The following FGF13 variants were observed in gnomAD, a reference collection of about 807,000 sequenced individuals.
FGF13 encodes fibroblast growth factor 13, also known as fibroblast growth factor homologous factor 2.
In FGF13, 2 loss-of-function variants were observed where a neutral mutation model predicts 19.5. The ratio of observed to expected loss-of-function variants is 0.10; its 90% CI spans 0.04 to 0.32. The LOEUF (loss-of-function observed/expected upper bound fraction) is 0.32, where lower values mean the gene tolerates loss of function less well. Among genes scored for constraint, FGF13 ranks in the 10% least tolerant of loss-of-function variants. The pLI is 1.00. For missense variants in FGF13, 113 were observed against 192.7 expected, an observed-to-expected ratio of 0.59 and a Z score of 2.45; for synonymous variants, 72 against 76.9, an observed-to-expected ratio of 0.94 and a Z score of 0.33.
chrX:139,008,933 G>T lies in FGF13; in HGVS notation c.-112-144283C>A. Among the ~76,000 whole-genome samples, 2 of 111,335 alleles carry T rather than the reference G, an allele frequency of 1.8e-5. 1 individual carries two copies. Among genetic ancestry groups the T allele is most frequent in the Middle Eastern group, 9.2e-3 (2 of 217 alleles). Reference sequence around the variant, plus strand: ...AGGCACCAGAGAAAGGTGAAGTCCAGCTTAAAGGAATCAAAAACATGATCC... The same window carrying T: ...AGGCACCAGAGAAAGGTGAAGTCCATCTTAAAGGAATCAAAAACATGATCC... On this transcript the variant is annotated intron_variant, in intron 1 of 2. Coordinates refer to the FGF13 transcript ENST00000421460.
intron 1 of FGF13, among the ~76,000 whole-genome samples, chrX:138,727,081 T>G (rs1390919899): frequency 1.8e-5 from 2 of 111,489 alleles, no homozygotes; most frequent in African/African-American, 6.5e-5. Context: ...TGTATCTCAT[T>G]TTTTTCTGAT....
chrX:138,827,266 AAG>A (rs2091040518), intron 3 of FGF13, among the ~76,000 whole-genome samples: 1 of 112,056 alleles, frequency 8.9e-6, no homozygotes, highest in East Asian at 2.8e-4. Flanking sequence ...CTGAAGTAGA[AAG>A]AGAGTGAAAG....
intron 1 of FGF13, among the ~76,000 whole-genome samples, chrX:139,070,569 G>T (rs1224902410): frequency 8.9e-6 from 1 of 112,102 alleles, no homozygotes; most frequent in East Asian, 2.8e-4. Context: ...AGACAGTGTG[G>T]AGATTCCTCA....
chrX:138,837,301 T>A (rs1015114674), intron 3 of FGF13, among the ~76,000 whole-genome samples: 5 of 110,954 alleles, frequency 4.5e-5, no homozygotes, highest in Non-Finnish European at 9.5e-5. Flanking sequence ...AAGATGGCGG[T>A]CTGCCCCTAC....
chrX:138,670,776 C>T (rs73241062), intron 3 of FGF13, among the ~76,000 whole-genome samples: 8,400 of 111,431 alleles, frequency 0.075, 302 homozygotes, highest in South Asian at 0.11. Context: ...GAATACTCAA[C>T]TTATATTTAC....
intron 1 of FGF13, among the ~76,000 whole-genome samples, chrX:138,970,571 T>C (rs1015093993): frequency 8.9e-6 from 1 of 111,774 alleles, no homozygotes; most frequent in Non-Finnish European, 1.9e-5. Flanking sequence ...TCAGGATGCT[T>C]CTAGTCCAAT....
rs564347540 is a variant in FGF13 at position 139,156,587 on chromosome X, G to A, written c.-113+46829C>T. Among the ~76,000 whole-genome samples, 19 of 112,431 alleles carry A rather than the reference G, an allele frequency of 1.7e-4. No individual in the cohort carries two copies. In the South Asian group the frequency reaches 4.0e-3, roughly 24 times the overall value. On this transcript the variant is annotated intron_variant, in intron 1 of 2. Transcript: ENST00000421460. Reference sequence around the variant, plus strand: ...CCAACAGCCAGTTAGAAACCGAGGCGCTCAACCTTAAAGCCCACAGGCTTA... The same window carrying A: ...CCAACAGCCAGTTAGAAACCGAGGCACTCAACCTTAAAGCCCACAGGCTTA...
intron 1 of FGF13, among the ~76,000 whole-genome samples, chrX:138,966,231 C>CT (rs1274067237): frequency 6.3e-5 from 7 of 111,783 alleles, no homozygotes. Context: ...GAGAAGAGGG[C>CT]TACTGTCCTT....
chrX:138,682,869 T>C (rs765429084), intron 3 of FGF13, among the ~76,000 whole-genome samples: 7 of 112,076 alleles, frequency 6.2e-5, no homozygotes, highest in Non-Finnish European at 1.1e-4. Flanking sequence ...CTAGGACTTA[T>C]ATTACTTTTG....
chrX:139,013,000 A>G (rs1205130667), intron 1 of FGF13, among the ~76,000 whole-genome samples: 2 of 111,884 alleles, frequency 1.8e-5, no homozygotes, highest in Non-Finnish European at 3.8e-5. Context: ...CAGCAAGGAA[A>G]AAACAAACAA....
Position 138,621,208 on chromosome X carries a change from A to G in FGF13, c.*11642T>C, listed in dbSNP as rs2089013252. Reference sequence around the variant, plus strand: ...AAGTAATTGCGCAGGTACATTTTGAAGATACATCAACTGTTAGGCCACAAA... The same window carrying G: ...AAGTAATTGCGCAGGTACATTTTGAGGATACATCAACTGTTAGGCCACAAA... On this transcript the variant is annotated 3_prime_UTR_variant, in exon 5 of 5. Coordinates refer to ENST00000315930, the MANE Select transcript of FGF13 (RefSeq NM_004114.5). 1 of 111,824 alleles carries G rather than the reference A, an allele frequency of 8.9e-6. No homozygotes were observed. The highest frequency in any genetic ancestry group is 1.9e-5 in the Non-Finnish European group (1 of 53,163). 9.2% of individuals were successfully genotyped at this position (111,824 alleles called of 1,213,427 possible).
intron 1 of FGF13, among the ~76,000 whole-genome samples, chrX:138,951,139 G>A (rs998939323): frequency 9.0e-5 from 10 of 111,483 alleles, no homozygotes; most frequent in African/African-American, 2.9e-4. Context: ...ACGCTGCTGG[G>A]ACTGGAGTCA....
intron 1 of FGF13, among the ~76,000 whole-genome samples, chrX:139,149,569 T>C (rs1014651197): frequency 8.9e-6 from 1 of 112,174 alleles, no homozygotes; most frequent in Non-Finnish European, 1.9e-5. Context: ...TTCAAGTAAT[T>C]ACATTTCCCC....
intron 1 of FGF13, among the ~76,000 whole-genome samples, chrX:138,936,302 A>G (rs2091730870): frequency 8.9e-6 from 1 of 112,067 alleles, no homozygotes; most frequent in Non-Finnish European, 1.9e-5. Flanking sequence ...AACTCCCCCA[A>G]GCTTCAGCCC....
rs1025657422 is a variant in FGF13, at chrX:139,065,909, C to T, written c.-113+137507G>A. Among the ~76,000 whole-genome samples, 3 of 111,266 alleles carry T rather than the reference C, an allele frequency of 2.7e-5. No individual in the cohort carries two copies. The East Asian group carries it at 8.5e-4, about 31-fold the overall frequency. ...ACATCGCACTTATTCTAAAATTGCC[C>T]ACATAATTGGAAGTAAAACACTCCT... On this transcript the variant is annotated intron_variant, in intron 1 of 2. Transcript: ENST00000421460.
intron 3 of FGF13, among the ~76,000 whole-genome samples, chrX:138,643,549 G>A (rs1330752251): frequency 8.9e-6 from 1 of 112,144 alleles, no homozygotes; most frequent in African/African-American, 3.2e-5. Context: ...GTGTTAGTCT[G>A]ACCTTAACCC....
chrX:138,855,163 T>C (rs1242722708), downstream of FGF13, among the ~76,000 whole-genome samples: 4 of 111,756 alleles, frequency 3.6e-5, no homozygotes, highest in Non-Finnish European at 5.6e-5. Flanking sequence ...TCCAAACCCA[T>C]AGTTACTTCG....
intron 3 of FGF13, among the ~76,000 whole-genome samples, chrX:138,824,185 T>C (rs2084696106): frequency 9.0e-6 from 1 of 111,548 alleles, no homozygotes; most frequent in African/African-American, 3.3e-5. Flanking sequence ...AGATGGGGAA[T>C]GGGATGGAGG....
chrX:139,091,605 C>T (rs985220062), intron 1 of FGF13, among the ~76,000 whole-genome samples: 11 of 111,726 alleles, frequency 9.8e-5, no homozygotes, highest in African/African-American at 3.6e-4. Context: ...GAAGTTCAAT[C>T]ACACAGACAA....
Sources: allele counts gnomAD v4.1 joint callset (sites outside exome capture counted in the v4.1 genomes callset), GRCh38; gene constraint gnomAD v4.1.1; transcripts MANE v1.5; gene names NCBI Gene and HGNC (gene_info 2026-07-23, HGNC 2026-07-21).